RNFT1: variants seen among roughly 807,000 people sequenced by gnomAD.
RNFT1 encodes the protein E3 ubiquitin-protein ligase RNFT1.
A neutral mutation model predicts 53.2 loss-of-function variants in RNFT1; 35 were observed. That is an observed-to-expected ratio of 0.66 (90% CI 0.50 to 0.87). The LOEUF (loss-of-function observed/expected upper bound fraction) is 0.87. Ranked by LOEUF, RNFT1 falls within the 40% of genes least tolerant of loss-of-function variation. The probability of loss-of-function intolerance (pLI) is 0.00; values close to 1 mark genes in which losing one functional copy is unlikely to be tolerated. For missense variants in RNFT1, 421 were observed against 515.0 expected, an observed-to-expected ratio of 0.82 and a Z score of 1.77; for synonymous variants, 141 against 172.8, an observed-to-expected ratio of 0.82 and a Z score of 1.44.
chr17:59,956,425 TA>T, intron 7 of RNFT1, 62 bp downstream of exon 7: 11 of 1,126,670 alleles, frequency 9.8e-6, no homozygotes, highest in South Asian at 1.4e-5. Context: ...ACTGCTGAAC[TA>T]AAAAAATTTT....
Position 59,957,296 on chromosome 17 carries a change from G to A in RNFT1, c.933C>T (p.Ser311=). The stretch of plus-strand genomic sequence containing the variant: ...TAGTTACGTTACCAAACTCCCCATA[G>A]CTTATAAGGTAGCGAAACCAAACTG... ...PIPVWFRYLI[S]YGEFGNVTRW... Residue 311 remains serine (S), a synonymous_variant, in exon 6 of 9, where the codon AGC becomes AGT. Coordinates refer to ENST00000305783, the MANE Select transcript of RNFT1 (RefSeq NM_016125.4). 1 of 1,613,896 alleles carries A rather than the reference G, an allele frequency of 6.2e-7. No homozygotes were observed. Among genetic ancestry groups the A allele is most frequent in the Admixed American group, 1.7e-5 (1 of 59,998 alleles).
At chr17:59,964,495 C>T in intron 1 of RNFT1, 113 bp downstream of exon 1, 3 of 884,284 alleles carry the variant, frequency 3.4e-6, no homozygotes, top group Non-Finnish European at 3.4e-6. Context: ...CCGGAATCTC[C>T]GAGGGCAGAG....
intron 3 of RNFT1, among the ~76,000 whole-genome samples, chr17:59,960,437 C>CAAAAAAAA (rs11406596): frequency 1.5e-5 from 1 of 68,292 alleles, no homozygotes; most frequent in Non-Finnish European, 2.5e-5. Flanking sequence ...AGTCTTCTCT[C>CAAAAAAAA]AAAAAAAAAA....
At chr17:59,961,038 T>C (rs1015865699) in intron 3 of RNFT1, among the ~76,000 whole-genome samples, 2 of 151,454 alleles carry the variant, frequency 1.3e-5, no homozygotes, top group Admixed American at 6.6e-5. Context: ...TCTCCCTTTT[T>C]TTTTTTTTAC....
At chr17:59,964,266 T>C (rs1029969936) in intron 1 of RNFT1, among the ~76,000 whole-genome samples, 4 of 152,170 alleles carry the variant, frequency 2.6e-5, no homozygotes, top group Non-Finnish European at 5.9e-5. Flanking sequence ...TGAACAGTGG[T>C]GCAGTCACCG....
intron 1 of RNFT1, 76 bp downstream of exon 1, chr17:59,964,532 T>G (rs1394910127): frequency 1.1e-5 from 15 of 1,379,612 alleles, no homozygotes; most frequent in Non-Finnish European, 1.5e-5. Flanking sequence ...GAGCCTCGAG[T>G]GCCTATTCTC....
chr17:59,964,739 G>C lies in RNFT1; in HGVS notation c.-76C>G. ...CTCTTCTCTCAGCCCGGCGGCAACG[G>C]CGGCGGCGCGCGCGCTCCCCGGACG... is the stretch of plus-strand genomic sequence containing the variant. On this transcript the variant is annotated 5_prime_UTR_variant, in exon 1 of 9. Coordinates refer to ENST00000305783, the MANE Select transcript of RNFT1 (RefSeq NM_016125.4). 7.0e-7 allele frequency: 1 copy of C among 1,426,614 alleles called. No individual in the cohort carries two copies. The highest frequency in any genetic ancestry group is 2.9e-5 in the East Asian group (1 of 34,974). 88.4% of individuals were successfully genotyped at this position (1,426,614 alleles called of 1,614,324 possible).
chr17:59,955,289 A>G (rs1218569590), intron 7 of RNFT1, among the ~76,000 whole-genome samples: 1 of 152,192 alleles, frequency 6.6e-6, no homozygotes, highest in Non-Finnish European at 1.5e-5. Flanking sequence ...ATTTCCCTTC[A>G]GTAAGGTGTC....
At chr17:59,957,179 CATT>C (rs1230587554) in intron 6 of RNFT1, 42 bp downstream of exon 6, 2 of 1,570,438 alleles carry the variant, frequency 1.3e-6, no homozygotes, top group Non-Finnish European at 1.7e-6. Context: ...TATCAGTAAT[CATT>C]AATGTGAATC....
Position 59,964,696 on chromosome 17 carries a change from A to C in RNFT1, c.-33T>G. On this transcript the variant is annotated 5_prime_UTR_variant, in exon 1 of 9. Coordinates refer to ENST00000305783, the MANE Select transcript of RNFT1 (RefSeq NM_016125.4). ...CTCCAGCCCTTCAGTCGGGGCCATC[A>C]ACCGCAAACCCCGCAAGCTCTTCTC... The C allele has an allele frequency of 1.9e-6, 3 of 1,579,332 alleles. No individual in the cohort carries two copies. Among genetic ancestry groups the C allele is most frequent in the Non-Finnish European group, 2.6e-6 (3 of 1,162,612 alleles).
chr17:59,962,985 G>A lies in RNFT1; in HGVS notation c.356C>T (p.Ser119Phe), dbSNP rs765945008. ...ATCAGTCAGCCTTGCTTCACTGTGG[G>A]AGTGACCCCGTAAGCGACTGTGTAC... ...GCVHSRLRGH[S>F]HSEARLTDDT... Residue 119 changes from serine (S) to phenylalanine (F), a missense_variant, in exon 2 of 9, where the codon TCC becomes TTC. Physicochemically the swap from Ser to Phe is radical, Grantham distance 155. Coordinates refer to ENST00000305783, the MANE Select transcript of RNFT1 (RefSeq NM_016125.4). 10 of 1,614,100 alleles carry A rather than the reference G, an allele frequency of 6.2e-6. No homozygotes were observed. The highest frequency in any genetic ancestry group is 1.7e-5 in the Admixed American group (1 of 60,000).
intron 8 of RNFT1, among the ~76,000 whole-genome samples, 191 bp from the exon 9 acceptor site, chr17:59,953,302 A>G (rs977115199): frequency 2.0e-5 from 3 of 151,230 alleles, no homozygotes; most frequent in Non-Finnish European, 2.9e-5. Context: ...GGTTCAAGTG[A>G]TTCTCCTGCC....
intron 7 of RNFT1, among the ~76,000 whole-genome samples, chr17:59,954,351 G>A (rs556026739): frequency 5.3e-5 from 8 of 152,100 alleles, no homozygotes. Flanking sequence ...ATACATAATA[G>A]GATTTTGAAA....
chr17:59,960,269 CT>C, intron 3 of RNFT1, 101 bp from the exon 4 acceptor site: 3 of 1,317,464 alleles, frequency 2.3e-6, no homozygotes. Context: ...GAATATTTTT[CT>C]AAATCTTAAT....
In RNFT1 at chr17:59,962,721, G is replaced by A; in HGVS notation, c.515-105C>T. The A allele has an allele frequency of 3.0e-6, 4 of 1,318,844 alleles. No individual in the cohort carries two copies. The South Asian group carries it at 5.4e-5, about 18-fold the overall frequency. The allele number at this position is 1,318,844 out of a possible 1,614,324, so 81.7% of individuals were successfully genotyped here. On this transcript the variant is annotated intron_variant, in intron 2 of 8. Coordinates refer to ENST00000305783, the MANE Select transcript of RNFT1 (RefSeq NM_016125.4). ...AAAATAAACATATACAATAATAAAAGCTCACAGAAAATAAGTAACTGGATG... is the reference window on the plus strand; with the variant it reads ...AAAATAAACATATACAATAATAAAAACTCACAGAAAATAAGTAACTGGATG...
intron 5 of RNFT1, 104 bp downstream of exon 5, chr17:59,958,187 G>A (rs1568543665): frequency 2.5e-6 from 3 of 1,189,356 alleles, no homozygotes; most frequent in Non-Finnish European, 3.5e-6. Flanking sequence ...AAGCTAGTTA[G>A]CAAACTGAAA....
At position 59,958,372 on chromosome 17, in the gene RNFT1, G is replaced by A; in HGVS notation, c.765C>T (p.Asp255=). 5.6e-6 allele frequency: 9 copies of A among 1,604,824 alleles called. No homozygotes were observed. Among genetic ancestry groups the A allele is most frequent in the Non-Finnish European group, 7.6e-6 (9 of 1,176,880 alleles). The change falls in exon 5 of 9, where the codon GAC becomes GAT. Residue 255 remains aspartate, a synonymous_variant. Transcript: ENST00000305783. ...CCATGAAAAAGAATTTCAGAATGAA[G>A]TCTGTAATTCCAACAATCCAAAATA... The part of the protein sequence containing the change: ...WEVFWIVGIT[D]FILKFFFMGL...
chr17:59,957,726 T>C (rs2045262883), intron 5 of RNFT1, among the ~76,000 whole-genome samples: 1 of 152,096 alleles, frequency 6.6e-6, no homozygotes, highest in African/African-American at 2.4e-5. Context: ...GCACCTGTAA[T>C]CCCAGCTACT....
chr17:59,963,781 AAT>A (rs1160810849), intron 1 of RNFT1, among the ~76,000 whole-genome samples: 2 of 152,224 alleles, frequency 1.3e-5, no homozygotes, highest in African/African-American at 4.8e-5. Context: ...ATAGGTAACT[AAT>A]AATAAACACT....
Sources: allele counts gnomAD v4.1 joint callset (sites outside exome capture counted in the v4.1 genomes callset), GRCh38; gene constraint gnomAD v4.1.1; transcripts MANE v1.5; gene names NCBI Gene and HGNC (gene_info 2026-07-23, HGNC 2026-07-21).